The following CDK6 variants were observed in gnomAD, a reference collection of about 807,000 sequenced individuals.
The protein encoded by CDK6 is cyclin dependent kinase 6, also known as cyclin-dependent kinase 6.
CDK6 carries 6 observed loss-of-function variants against 37.1 expected under a neutral mutation model. The ratio of observed to expected loss-of-function variants is 0.16; its 90% CI spans 0.09 to 0.32. The LOEUF is 0.32. Among genes scored for constraint, CDK6 ranks in the 10% least tolerant of loss-of-function variants. The pLI is 1.00. For missense variants in CDK6, 224 were observed against 418.9 expected, an observed-to-expected ratio of 0.53 and a Z score of 4.06; for synonymous variants, 160 against 161.3, an observed-to-expected ratio of 0.99 and a Z score of 0.06.
At chr7:92,737,769 G>C (rs1038772670) in intron 3 of CDK6, among the ~76,000 whole-genome samples, 2 of 152,186 alleles carry the variant, frequency 1.3e-5, no homozygotes, top group African/African-American at 4.8e-5. Context: ...AATACAGAGA[G>C]GGGGAGAGGA....
At chr7:92,819,345 A>T (rs2115973816) in intron 2 of CDK6, among the ~76,000 whole-genome samples, 1 of 152,214 alleles carries the variant, frequency 6.6e-6, no homozygotes, top group South Asian at 2.1e-4. Context: ...GGACAAATCT[A>T]TAATGACAGA....
chr7:92,709,220 C>T (rs969736737), intron 4 of CDK6, among the ~76,000 whole-genome samples: 5 of 152,146 alleles, frequency 3.3e-5, no homozygotes, highest in African/African-American at 1.2e-4. Context: ...CCACTCATCA[C>T]ATTGTAGTAG....
intron 5 of CDK6, among the ~76,000 whole-genome samples, chr7:92,631,557 C>A (rs955625529): frequency 6.6e-6 from 1 of 152,200 alleles, no homozygotes; most frequent in Admixed American, 6.5e-5. Flanking sequence ...TTATTTCTCT[C>A]TTTCAGTAAA....
At chr7:92,766,079 G>A (rs1799572898) in intron 3 of CDK6, among the ~76,000 whole-genome samples, 1 of 152,132 alleles carries the variant, frequency 6.6e-6, no homozygotes, top group African/African-American at 2.4e-5. Flanking sequence ...ACTAGATCAT[G>A]TAGGACTTCT....
chr7:92,743,272 A>G (rs1423596398), intron 3 of CDK6, among the ~76,000 whole-genome samples: 1 of 152,080 alleles, frequency 6.6e-6, no homozygotes, highest in Non-Finnish European at 1.5e-5. Context: ...GCTACTCAAG[A>G]GGCTGAGGCA....
intron 3 of CDK6, among the ~76,000 whole-genome samples, chr7:92,763,859 G>A (rs1669479781): frequency 6.6e-6 from 1 of 152,130 alleles, no homozygotes; most frequent in Non-Finnish European, 1.5e-5. Context: ...TCACCAGAGG[G>A]TACTTATTAG....
intron 3 of CDK6, among the ~76,000 whole-genome samples, chr7:92,765,169 T>C (rs1799549808): frequency 6.6e-6 from 1 of 152,154 alleles, no homozygotes; most frequent in Non-Finnish European, 1.5e-5. Context: ...CACTACAAAA[T>C]TATTTTTTAG....
chr7:92,668,409 A>ACT (rs1289604843), intron 5 of CDK6, among the ~76,000 whole-genome samples: 3 of 152,120 alleles, frequency 2.0e-5, no homozygotes, highest in Middle Eastern at 3.4e-3. Flanking sequence ...ATAAAAAAGT[A>ACT]AACTGACAGA....
At chr7:92,665,488 G>T (rs1796936330) in intron 5 of CDK6, among the ~76,000 whole-genome samples, 1 of 152,156 alleles carries the variant, frequency 6.6e-6, no homozygotes, top group Admixed American at 6.5e-5. Flanking sequence ...GGGCCAGTGT[G>T]GGCAGTTATT....
chr7:92,759,435 G>T (rs755883958), intron 3 of CDK6, among the ~76,000 whole-genome samples: 5 of 152,078 alleles, frequency 3.3e-5, no homozygotes, highest in Non-Finnish European at 7.4e-5. Context: ...TGGCATATAG[G>T]CTCACAGGAC....
In CDK6 at chr7:92,609,703, G is replaced by C; in HGVS notation, c.*5437C>G. ...GTGTGTTTTAACTGGGGCCACTAAA[G>C]GAGTTTTATACTTCTAACGAAACTA... On this transcript the variant is annotated 3_prime_UTR_variant, in exon 8 of 8. Transcript: ENST00000424848. 4.3e-6 allele frequency: 1 copy of C among 231,286 alleles called. No individual in the cohort carries two copies. Among genetic ancestry groups the C allele is most frequent in the East Asian group, 6.2e-5 (1 of 16,232 alleles). 14.3% of individuals were successfully genotyped at this position (231,286 alleles called of 1,614,324 possible).
rs113101655 is a variant in CDK6 at position 92,833,426 on chromosome 7, G to A, written c.-103C>T. On this transcript the variant is annotated 5_prime_UTR_variant, in exon 2 of 8. Transcript: ENST00000424848. The surrounding 1 kb of genome is among the most constrained non-coding windows in gnomAD (Gnocchi z 6.1). ...CCTACTCCGGGGCTCCCCGGAGATC[G>A]GTCTAGCTTTACTTGCTCCCCGCCG... The A allele has an allele frequency of 1.3e-6, 1 of 793,626 alleles. No individual in the cohort carries two copies. The highest frequency in any genetic ancestry group is 1.9e-6 in the Non-Finnish European group (1 of 520,320). 49.2% of individuals were successfully genotyped at this position (793,626 alleles called of 1,614,324 possible).
chr7:92,764,850 C>T (rs1371531605), intron 3 of CDK6, among the ~76,000 whole-genome samples: 1 of 152,190 alleles, frequency 6.6e-6, no homozygotes, highest in African/African-American at 2.4e-5. Flanking sequence ...GAATAAGATA[C>T]TATCTCAGAT....
chr7:92,710,997 G>T, intron 4 of CDK6: 1 of 228,404 alleles, frequency 4.4e-6, no homozygotes, highest in Non-Finnish European at 7.2e-6. Flanking sequence ...AAAGCAGTGA[G>T]CTCTCTCACA....
intron 4 of CDK6, among the ~76,000 whole-genome samples, chr7:92,689,587 A>G (rs962352504): frequency 6.6e-6 from 1 of 152,246 alleles, no homozygotes; most frequent in Non-Finnish European, 1.5e-5. Context: ...TAGTGCTGCA[A>G]TGAACATGCA....
chr7:92,745,023 G>C (rs376350141), intron 3 of CDK6, among the ~76,000 whole-genome samples: 25 of 152,116 alleles, frequency 1.6e-4, no homozygotes, highest in African/African-American at 5.8e-4. Flanking sequence ...GTGATGTTTT[G>C]ATAAATGTAT....
At chr7:92,681,954 A>G (rs1023358691) in intron 4 of CDK6, among the ~76,000 whole-genome samples, 2 of 152,120 alleles carry the variant, frequency 1.3e-5, no homozygotes, top group Non-Finnish European at 2.9e-5. Flanking sequence ...AAATGCATGC[A>G]TTGTCATTCC....
At chr7:92,625,215 A>G (rs1242581314) in intron 5 of CDK6, among the ~76,000 whole-genome samples, 1 of 137,328 alleles carries the variant, frequency 7.3e-6, no homozygotes, top group Non-Finnish European at 1.5e-5. Context: ...TTAAGTGGTA[A>G]CTAAACACAC....
At chr7:92,823,710 G>A (rs932788375) in intron 2 of CDK6, among the ~76,000 whole-genome samples, 2 of 152,024 alleles carry the variant, frequency 1.3e-5, no homozygotes, top group Admixed American at 6.6e-5. Flanking sequence ...AACTTGAAAC[G>A]ACTCAGACAG....
Sources: allele counts gnomAD v4.1 joint callset (sites outside exome capture counted in the v4.1 genomes callset), GRCh38; gene constraint gnomAD v4.1.1; non-coding constraint Gnocchi (gnomAD v3.1); transcripts MANE v1.5; gene names NCBI Gene and HGNC (gene_info 2026-07-23, HGNC 2026-07-21).